The following ATRNL1 variants were observed in gnomAD, a reference collection of about 807,000 sequenced individuals.
The protein encoded by ATRNL1 is attractin like 1.
ATRNL1 carries 95 observed loss-of-function variants against 182.7 expected under a neutral mutation model. The observed-to-expected ratio is 0.52, with a 90% CI of 0.44 to 0.62. The LOEUF (loss-of-function observed/expected upper bound fraction) is 0.62, where lower values mean the gene tolerates loss of function less well. Ranked by LOEUF, ATRNL1 falls within the 20% of genes least tolerant of loss-of-function variation. The pLI is 0.00. For missense variants in ATRNL1, 1,471 were observed against 1,679.5 expected (o/e 0.88, Z 2.17); for synonymous variants, 576 against 568.3 (o/e 1.01, Z -0.19).
intron 20 of ATRNL1, among the ~76,000 whole-genome samples, chr10:115,422,175 A>G (rs1325852837): frequency 6.6e-6 from 1 of 152,184 alleles, no homozygotes; most frequent in African/African-American, 2.4e-5. Flanking sequence ...TTGCAACAAC[A>G]AAGAAAATTG....
chr10:115,881,006 A>G (rs1555108435), intron 28 of ATRNL1, among the ~76,000 whole-genome samples: 1 of 152,086 alleles, frequency 6.6e-6, no homozygotes, highest in Admixed American at 6.5e-5. Context: ...CGGGGTGAAA[A>G]TGACTCAGAG....
chr10:115,381,902 A>AT (rs1554951253), intron 19 of ATRNL1, among the ~76,000 whole-genome samples: 1 of 151,568 alleles, frequency 6.6e-6, no homozygotes, highest in South Asian at 2.1e-4. Flanking sequence ...GTCCAAGTCT[A>AT]TTTTTTTTAA....
intron 24 of ATRNL1, among the ~76,000 whole-genome samples, chr10:115,490,186 T>TA (rs570349251): frequency 1.6e-3 from 239 of 152,248 alleles, no homozygotes; most frequent in African/African-American, 5.5e-3. Flanking sequence ...CATTGGTGAA[T>TA]CTGATGATTA....
At chr10:115,380,960 C>T (rs1857963643) in intron 19 of ATRNL1, among the ~76,000 whole-genome samples, 1 of 152,128 alleles carries the variant, frequency 6.6e-6, no homozygotes, top group Non-Finnish European at 1.5e-5. Context: ...TCATGGACTA[C>T]CAAATTGTTT....
intron 12 of ATRNL1, among the ~76,000 whole-genome samples, chr10:115,267,404 A>G (rs1554911228): frequency 6.6e-6 from 1 of 151,754 alleles, no homozygotes; most frequent in African/African-American, 2.4e-5. Context: ...ACCACACCAT[A>G]AAGTAAAAAA....
chr10:115,346,341 T>C (rs566667762), intron 19 of ATRNL1, among the ~76,000 whole-genome samples: 17 of 152,304 alleles, frequency 1.1e-4, no homozygotes, highest in Non-Finnish European at 2.5e-4. Context: ...AGATACCTCA[T>C]GTTAAGTGGA....
chr10:115,127,296 A>C (rs1199694024), intron 3 of ATRNL1, among the ~76,000 whole-genome samples: 1 of 152,174 alleles, frequency 6.6e-6, no homozygotes, highest in Non-Finnish European at 1.5e-5. Context: ...CTGTAGTATT[A>C]TGACAGGATG....
chr10:115,253,684 G>A (rs1342504369), intron 10 of ATRNL1, among the ~76,000 whole-genome samples: 2 of 152,012 alleles, frequency 1.3e-5, no homozygotes, highest in Admixed American at 6.6e-5. Flanking sequence ...GTGCCATGTC[G>A]GTTTGCTGCA....
At chr10:115,765,794 C>T (rs979895173) in intron 27 of ATRNL1, among the ~76,000 whole-genome samples, 18 of 152,152 alleles carry the variant, frequency 1.2e-4, no homozygotes, top group African/African-American at 4.1e-4. Flanking sequence ...GTCTACAATT[C>T]ATTTTGAGTT....
chr10:115,407,952 G>C (rs1554958672), intron 20 of ATRNL1, among the ~76,000 whole-genome samples: 1 of 145,450 alleles, frequency 6.9e-6, no homozygotes, highest in African/African-American at 2.5e-5. Flanking sequence ...ACTGGGGTCA[G>C]ATGATATCTC....
intron 27 of ATRNL1, among the ~76,000 whole-genome samples, chr10:115,841,569 A>G (rs183594213): frequency 4.6e-5 from 7 of 152,234 alleles, no homozygotes. Flanking sequence ...TCCTTTACCT[A>G]TTCCCACGTG....
intron 27 of ATRNL1, among the ~76,000 whole-genome samples, chr10:115,771,146 A>G (rs569605985): frequency 6.6e-6 from 1 of 152,230 alleles, no homozygotes; most frequent in African/African-American, 2.4e-5. Context: ...CATTTTACAG[A>G]CAAAGAAATA....
At chr10:115,133,375 A>G (rs1406191337) in intron 5 of ATRNL1, among the ~76,000 whole-genome samples, 1 of 152,138 alleles carries the variant, frequency 6.6e-6, no homozygotes, top group African/African-American at 2.4e-5. Context: ...AATGGAAAAC[A>G]AAAAAAGCCT....
chr10:115,410,015 G>A (rs1291151542), intron 20 of ATRNL1, among the ~76,000 whole-genome samples: 1 of 152,014 alleles, frequency 6.6e-6, no homozygotes, highest in South Asian at 2.1e-4. Flanking sequence ...TTGTTGATGT[G>A]ATGTGTCACA....
intron 10 of ATRNL1, among the ~76,000 whole-genome samples, chr10:115,251,138 G>A (rs1427801542): frequency 3.3e-5 from 5 of 152,132 alleles, no homozygotes; most frequent in African/African-American, 1.2e-4. Context: ...TTGGTAGTAG[G>A]TGTCTGCTAT....
chr10:115,438,476 A>G (rs1846511741), intron 21 of ATRNL1, among the ~76,000 whole-genome samples: 1 of 151,976 alleles, frequency 6.6e-6, no homozygotes, highest in South Asian at 2.1e-4. Flanking sequence ...ATGCATATAC[A>G]TTTTAGTCAT....
At chr10:115,364,536 G>A (rs1856922540) in intron 19 of ATRNL1, among the ~76,000 whole-genome samples, 1 of 147,330 alleles carries the variant, frequency 6.8e-6, no homozygotes, top group Admixed American at 6.8e-5. Flanking sequence ...AATTGCCCTG[G>A]CCAGAACTTC....
At chr10:115,189,826 C>T (rs534560462) in intron 8 of ATRNL1, among the ~76,000 whole-genome samples, 2 of 151,946 alleles carry the variant, frequency 1.3e-5, no homozygotes, top group African/African-American at 4.8e-5. Flanking sequence ...TGTCCTAGGC[C>T]TTCACATTCA....
intron 1 of ATRNL1, among the ~76,000 whole-genome samples, chr10:115,118,944 A>G (rs1429218161): frequency 6.6e-6 from 1 of 152,056 alleles, no homozygotes; most frequent in Non-Finnish European, 1.5e-5. Context: ...AAGTTATTTA[A>G]CTTGTTACTT....
Sources: allele counts gnomAD v4.1 joint callset (sites outside exome capture counted in the v4.1 genomes callset), GRCh38; gene constraint gnomAD v4.1.1; transcripts MANE v1.5; gene names NCBI Gene and HGNC (gene_info 2026-07-23, HGNC 2026-07-21).